Variants in DIP2B observed in about 807,000 individuals in gnomAD.
DIP2B encodes the protein DIP2 acetate--CoA ligase B (putative).
Under a neutral mutation model 198.0 loss-of-function variants are expected in DIP2B, and 76 were observed. That is an observed-to-expected ratio of 0.38 (90% CI 0.32 to 0.46). The LOEUF (loss-of-function observed/expected upper bound fraction) is 0.46, where lower values mean the gene tolerates loss of function less well. Ranked by LOEUF, DIP2B falls within the 20% of genes least tolerant of loss-of-function variation. The pLI is 0.99. For missense variants in DIP2B, 1,559 were observed against 1,978.4 expected, an observed-to-expected ratio of 0.79 and a Z score of 4.02; for synonymous variants, 701 against 739.1, an observed-to-expected ratio of 0.95 and a Z score of 0.84.
At chr12:50,685,776 G>A (rs1289752189) in intron 10 of DIP2B, 57 bp from the exon 11 acceptor site, 4 of 1,569,642 alleles carry the variant, frequency 2.5e-6, no homozygotes, top group Non-Finnish European at 3.5e-6. Context: ...GTCAGATATG[G>A]GCATGAGTGT....
chr12:50,717,087 G>A (rs922686460), intron 23 of DIP2B, among the ~76,000 whole-genome samples: 4 of 147,668 alleles, frequency 2.7e-5, no homozygotes, highest in African/African-American at 1.0e-4. Context: ...TGGGATTACA[G>A]GTGTGAGCTA....
intron 1 of DIP2B, among the ~76,000 whole-genome samples, chr12:50,610,816 T>C (rs1959025337): frequency 6.6e-6 from 1 of 151,422 alleles, no homozygotes; most frequent in South Asian, 2.1e-4. Context: ...TTTTTTTTTT[T>C]TTTTGAGATG....
In DIP2B at chr12:50,683,158, C is replaced by CAATG. The variant is rs777904526; in HGVS notation, c.1229_1232dup (p.Asp411GlufsTer2). ...TTTAGGTAGCCCTGGTTTACCCCAA[C>CAATG]AATGATCCAGTCATGTTTATGGTGG... On this transcript the variant is annotated frameshift_variant, in exon 10 of 38. Transcript: ENST00000301180. LOFTEE classifies it high-confidence loss of function. 6.2e-7 allele frequency: 1 copy of CAATG among 1,611,064 alleles called. No homozygotes were observed. Among genetic ancestry groups the CAATG allele is most frequent in the South Asian group, 1.1e-5 (1 of 90,138 alleles).
At chr12:50,530,950 C>G (rs758974718) in intron 1 of DIP2B, among the ~76,000 whole-genome samples, 1 of 152,102 alleles carries the variant, frequency 6.6e-6, no homozygotes, top group Non-Finnish European at 1.5e-5. Flanking sequence ...ATTTGGAGTT[C>G]TGTAGAAAGG....
At position 50,552,996 on chromosome 12, in the gene DIP2B, C is replaced by T. The variant is rs140882724; in HGVS notation, c.100+47756C>T. Among the ~76,000 whole-genome samples the T allele has an allele frequency of 8.5e-4, 130 of 152,124 alleles. 1 individual carries two copies. The South Asian group carries it at 0.019, about 22-fold the overall frequency. On this transcript the variant is annotated intron_variant, in intron 1 of 37. Transcript: ENST00000301180. ...GACTACAGGTGTGCGCCACCATGCCCGGCTAATTTTTGCATTCTTATTAGA... is the reference window on the plus strand; with the variant it reads ...GACTACAGGTGTGCGCCACCATGCCTGGCTAATTTTTGCATTCTTATTAGA...
chr12:50,664,217 A>G (rs1342404037), intron 4 of DIP2B, among the ~76,000 whole-genome samples: 4 of 152,200 alleles, frequency 2.6e-5, no homozygotes, highest in Non-Finnish European at 5.9e-5. Context: ...AAAATATGTC[A>G]GATATTTTGG....
intron 6 of DIP2B, 52 bp from the exon 7 acceptor site, chr12:50,675,277 A>G (rs1045176601): frequency 5.5e-5 from 88 of 1,590,850 alleles, no homozygotes; most frequent in Non-Finnish European, 7.4e-5. Flanking sequence ...CTGAGGAACT[A>G]AAATATCCTT....
intron 4 of DIP2B, among the ~76,000 whole-genome samples, chr12:50,668,177 C>G (rs1938789274): frequency 2.0e-5 from 3 of 152,206 alleles, no homozygotes; most frequent in African/African-American, 7.2e-5. Context: ...GCCATCAGGC[C>G]TTGGGTTAGG....
chr12:50,625,086 A>C (rs1196399613), intron 1 of DIP2B, among the ~76,000 whole-genome samples: 1 of 152,220 alleles, frequency 6.6e-6, no homozygotes, highest in Admixed American at 6.5e-5. Flanking sequence ...GTAAGGCTTC[A>C]CAGTAAATAA....
chr12:50,525,459 A>T (rs1958154955), intron 1 of DIP2B, among the ~76,000 whole-genome samples: 1 of 149,928 alleles, frequency 6.7e-6, no homozygotes, highest in South Asian at 2.1e-4. Context: ...CAAAATAGGC[A>T]TTTCTTTTCT....
chr12:50,626,195 A>C, intron 2 of DIP2B, 148 bp downstream of exon 2: 1 of 757,222 alleles, frequency 1.3e-6, no homozygotes, highest in Non-Finnish European at 2.1e-6. Flanking sequence ...AAAGGAGGAA[A>C]TGAATCTTAA....
At chr12:50,672,460 C>T (rs1028052604) in intron 5 of DIP2B, among the ~76,000 whole-genome samples, 1 of 152,126 alleles carries the variant, frequency 6.6e-6, no homozygotes, top group African/African-American at 2.4e-5. Context: ...GTTTTATTTC[C>T]ACATCTGTCT....
At chr12:50,597,044 A>G (rs1461545137) in intron 1 of DIP2B, among the ~76,000 whole-genome samples, 1 of 152,164 alleles carries the variant, frequency 6.6e-6, no homozygotes, top group Non-Finnish European at 1.5e-5. Flanking sequence ...AAACTTACCA[A>G]TTTCCCCAGT....
At chr12:50,651,386 T>C (rs375401949) in intron 3 of DIP2B, among the ~76,000 whole-genome samples, 1 of 152,242 alleles carries the variant, frequency 6.6e-6, no homozygotes, top group African/African-American at 2.4e-5. Flanking sequence ...TGCTGTCGCG[T>C]TCAATAAATT....
rs138389643 is a variant in DIP2B at position 50,640,352 on chromosome 12, G to A, written c.173-372G>A. Reference sequence around the variant, plus strand: ...TTTGCTTGTATTATGTTTATCTGGAGTGACTGACGGTATGGTAGCTAAGGC... The same window carrying A: ...TTTGCTTGTATTATGTTTATCTGGAATGACTGACGGTATGGTAGCTAAGGC... On this transcript the variant is annotated intron_variant, in intron 2 of 37. Transcript: ENST00000301180. Among the ~76,000 whole-genome samples the A allele has an allele frequency of 3.6e-3, 543 of 152,254 alleles. 10 individuals carry two copies. The South Asian group carries it at 0.038, about 11-fold the overall frequency.
chr12:50,737,563 AAATT>A (rs1396798129), intron 35 of DIP2B, among the ~76,000 whole-genome samples: 1 of 151,838 alleles, frequency 6.6e-6, no homozygotes, highest in African/African-American at 2.4e-5. Context: ...AAGTATATAA[AAATT>A]AACTATATAA....
intron 21 of DIP2B, 100 bp downstream of exon 21, chr12:50,706,765 T>C: frequency 7.1e-7 from 1 of 1,400,090 alleles, no homozygotes; most frequent in Non-Finnish European, 9.7e-7. Flanking sequence ...TCTTTCCAAG[T>C]GATCAGATTG....
chr12:50,566,448 T>A (rs1191034664), intron 1 of DIP2B, among the ~76,000 whole-genome samples: 1 of 152,244 alleles, frequency 6.6e-6, no homozygotes, highest in Non-Finnish European at 1.5e-5. Context: ...TCATTACATA[T>A]AATGTGTCTT....
chr12:50,701,282 T>C (rs1018358195), intron 19 of DIP2B, among the ~76,000 whole-genome samples: 5 of 152,274 alleles, frequency 3.3e-5, no homozygotes, highest in African/African-American at 1.2e-4. Context: ...TTTTTCTTAC[T>C]GGCTTCTTAA....
Sources: gnomAD v4.1 joint callset for allele counts (sites outside exome capture counted in the v4.1 genomes callset) on GRCh38, gnomAD v4.1.1 for gene constraint, MANE v1.5 for transcripts, NCBI Gene and HGNC (gene_info 2026-07-23, HGNC 2026-07-21) for gene names.